The following SGCZ variants were observed in gnomAD, a reference collection of about 807,000 sequenced individuals.
SGCZ encodes sarcoglycan zeta.
SGCZ carries 40 observed loss-of-function variants against 41.3 expected under a neutral mutation model. The observed-to-expected ratio is 0.97, with a 90% CI of 0.75 to 1.26. The LOEUF is 1.26. SGCZ is among the 50% of genes most tolerant of loss of function. The pLI, the probability that SGCZ is intolerant of heterozygous loss-of-function variation, is 0.00. For missense variants in SGCZ, 552 were observed against 369.8 expected (o/e 1.49, Z -4.04); for synonymous variants, 206 against 137.5 (o/e 1.50, Z -3.49).
intron 2 of SGCZ, among the ~76,000 whole-genome samples, chr8:14,522,237 G>A (rs530613415): frequency 4.6e-5 from 7 of 151,998 alleles, no homozygotes; most frequent in South Asian, 2.1e-4. Context: ...AGTTTTTGGC[G>A]CTGTCTTTGT....
At chr8:14,530,938 A>G (rs184124514) in intron 2 of SGCZ, among the ~76,000 whole-genome samples, 160 of 152,188 alleles carry the variant, frequency 1.1e-3, no homozygotes, top group Non-Finnish European at 1.2e-3. Context: ...CAGGTACACA[A>G]ATGATAGCGA....
chr8:14,904,782 A>G (rs1158603355), intron 1 of SGCZ, among the ~76,000 whole-genome samples: 1 of 151,954 alleles, frequency 6.6e-6, no homozygotes, highest in African/African-American at 2.4e-5. Flanking sequence ...GATTTATTTT[A>G]CACTTTTTGC....
chr8:15,020,119 G>A (rs888806149), intron 1 of SGCZ, among the ~76,000 whole-genome samples: 39 of 152,062 alleles, frequency 2.6e-4, no homozygotes, highest in African/African-American at 8.7e-4. Flanking sequence ...CCCCAAACTA[G>A]ATTGGGAGTC....
intron 1 of SGCZ, among the ~76,000 whole-genome samples, chr8:15,145,515 G>C (rs1320896119): frequency 6.6e-6 from 1 of 152,144 alleles, no homozygotes; most frequent in Non-Finnish European, 1.5e-5. Flanking sequence ...CACCTACGCT[G>C]AAGTGCAGTG....
At chr8:14,437,742 ATTT>A (rs1461172395) in intron 2 of SGCZ, among the ~76,000 whole-genome samples, 2 of 151,752 alleles carry the variant, frequency 1.3e-5, no homozygotes, top group African/African-American at 4.8e-5. Flanking sequence ...TTGTATTAAA[ATTT>A]TTATTGTTGC....
At chr8:14,234,739 G>C (rs1286484611) in intron 4 of SGCZ, among the ~76,000 whole-genome samples, 1 of 152,018 alleles carries the variant, frequency 6.6e-6, no homozygotes, top group Non-Finnish European at 1.5e-5. Context: ...TAAAATTAGA[G>C]TCTTTAGAAT....
intron 1 of SGCZ, among the ~76,000 whole-genome samples, chr8:14,789,165 A>C (rs1030234075): frequency 4.6e-5 from 7 of 152,082 alleles, no homozygotes; most frequent in Admixed American, 2.6e-4. Context: ...GGCACTATGC[A>C]CGATGCTTGG....
chr8:14,786,321 G>C (rs1800766177), intron 1 of SGCZ, among the ~76,000 whole-genome samples: 1 of 152,026 alleles, frequency 6.6e-6, no homozygotes, highest in South Asian at 2.1e-4. Flanking sequence ...AAATACATAA[G>C]TTCCCTAAAG....
At chr8:14,971,233 A>G (rs1801286116) in intron 1 of SGCZ, among the ~76,000 whole-genome samples, 2 of 152,082 alleles carry the variant, frequency 1.3e-5, no homozygotes, top group Admixed American at 6.6e-5. Flanking sequence ...CTCCTTGTAG[A>G]GGCTTTATTA....
chr8:15,102,833 C>T (rs182829360), intron 1 of SGCZ, among the ~76,000 whole-genome samples: 1 of 152,168 alleles, frequency 6.6e-6, no homozygotes, highest in East Asian at 1.9e-4. Context: ...TCTAATGAAT[C>T]TTATCATCTA....
chr8:14,127,525 G>A (rs143388746), intron 5 of SGCZ, among the ~76,000 whole-genome samples: 2,760 of 151,852 alleles, frequency 0.018, 33 homozygotes, highest in Middle Eastern at 0.068. Context: ...GCACAATCTC[G>A]GCTCACTGCA....
chr8:14,158,827 G>C, intron 5 of SGCZ, among the ~76,000 whole-genome samples: 1 of 152,158 alleles, frequency 6.6e-6, no homozygotes, highest in East Asian at 1.9e-4. Flanking sequence ...GCAGTGCAGT[G>C]TCAGGATCTT....
chr8:14,385,249 C>T (rs188723420), intron 2 of SGCZ, among the ~76,000 whole-genome samples: 5 of 152,200 alleles, frequency 3.3e-5, no homozygotes, highest in Admixed American at 3.3e-4. Flanking sequence ...GAACCAGCTC[C>T]AGTACACTAT....
chr8:14,839,909 T>C (rs1005109438), intron 1 of SGCZ, among the ~76,000 whole-genome samples: 1 of 152,192 alleles, frequency 6.6e-6, no homozygotes, highest in Non-Finnish European at 1.5e-5. Flanking sequence ...AGAAATGATA[T>C]TAACATTTTC....
chr8:15,158,087 C>T (rs755688149), intron 1 of SGCZ, among the ~76,000 whole-genome samples: 3 of 151,992 alleles, frequency 2.0e-5, no homozygotes, highest in Admixed American at 6.6e-5. Flanking sequence ...ATCTCCAATC[C>T]TTACCATTTC....
chr8:14,269,972 G>C (rs970959300), intron 3 of SGCZ, among the ~76,000 whole-genome samples: 9 of 152,112 alleles, frequency 5.9e-5, no homozygotes, highest in African/African-American at 1.4e-4. Flanking sequence ...GTAAAATAAG[G>C]ATTGGCTATA....
chr8:14,844,250 C>A (rs536821440), intron 1 of SGCZ, among the ~76,000 whole-genome samples: 2 of 152,182 alleles, frequency 1.3e-5, no homozygotes, highest in African/African-American at 2.4e-5. Context: ...AGAAAAACAA[C>A]CCTACAACGA....
intron 1 of SGCZ, among the ~76,000 whole-genome samples, chr8:14,710,132 C>T (rs1208884161): frequency 1.3e-5 from 2 of 151,780 alleles, no homozygotes; most frequent in Admixed American, 6.6e-5. Flanking sequence ...TCTGGGAGGC[C>T]GAGGAGGGCA....
At position 15,149,870 on chromosome 8, in the gene SGCZ, T is replaced by C. The variant is rs116601811; in HGVS notation, c.39+87715A>G. ...CAGTATGAGGATATTCTGTTGATAA[T>C]AGAGAATAACTAGAAAACAAAAATG... On this transcript the variant is annotated intron_variant, in intron 1 of 7. Transcript: ENST00000382080. 7.7e-3 allele frequency among the ~76,000 whole-genome samples: 1,165 copies of C among 152,242 alleles called. 10 individuals carry two copies. The highest frequency in any genetic ancestry group is 0.024 in the African/African-American group (1,016 of 41,536).
Sources: allele counts gnomAD v4.1 joint callset (sites outside exome capture counted in the v4.1 genomes callset), GRCh38; gene constraint gnomAD v4.1.1; transcripts MANE v1.5; gene names NCBI Gene and HGNC (gene_info 2026-07-23, HGNC 2026-07-21).